Variants in ATG7 observed in about 807,000 individuals in gnomAD.
The protein encoded by ATG7 is autophagy related 7, also known as ubiquitin-like modifier-activating enzyme ATG7.
In ATG7, 70 loss-of-function variants were observed where a neutral mutation model predicts 82.4. The observed-to-expected ratio is 0.85, with a 90% CI of 0.70 to 1.04. The LOEUF (loss-of-function observed/expected upper bound fraction) is 1.04, where lower values mean the gene tolerates loss of function less well. Ranked by LOEUF, ATG7 falls within the 50% of genes least tolerant of loss-of-function variation. ATG7 has a pLI of 0.00. For synonymous variants in ATG7, 287 were observed against 313.0 expected (o/e 0.92, Z 0.88); for missense variants, 792 against 864.3 (o/e 0.92, Z 1.05).
intron 9 of ATG7, among the ~76,000 whole-genome samples, chr3:11,330,038 TG>T (rs1951425917): frequency 6.6e-6 from 1 of 152,204 alleles, no homozygotes; most frequent in Non-Finnish European, 1.5e-5. Flanking sequence ...AATTTGCATT[TG>T]TCTGATGTTT....
intron 14 of ATG7, chr3:11,348,344 G>C (rs1448641621): frequency 3.7e-6 from 1 of 272,954 alleles, no homozygotes; most frequent in Non-Finnish European, 7.0e-6. Flanking sequence ...TCTTAAAGAT[G>C]ATGTGTCCAG....
chr3:11,392,401 C>G (rs1012058114), intron 19 of ATG7, among the ~76,000 whole-genome samples: 2 of 151,590 alleles, frequency 1.3e-5, no homozygotes, highest in African/African-American at 4.9e-5. Context: ...TACAGATATT[C>G]TTTAAATGAC....
intron 20 of ATG7, among the ~76,000 whole-genome samples, chr3:11,490,346 A>C (rs2090213254): frequency 6.6e-6 from 1 of 151,954 alleles, no homozygotes; most frequent in African/African-American, 2.4e-5. Flanking sequence ...CCATGCTTTT[A>C]TTTTGAGCCT....
At chr3:11,573,253 A>AG in the ATG7 span, among the ~76,000 whole-genome samples, 1 of 4,406 alleles carries the variant, frequency 2.3e-4, no homozygotes, top group African/African-American at 1.1e-3. Context: ...TAGAGAAAGA[A>AG]AGAAAGAAAG....
intron 3 of ATG7, among the ~76,000 whole-genome samples, chr3:11,296,321 G>T (rs901673478): frequency 1.3e-5 from 2 of 151,988 alleles, no homozygotes; most frequent in Admixed American, 6.6e-5. Context: ...TTTCACTCAA[G>T]CTGCCATTCT....
In ATG7 at chr3:11,477,173, C is replaced by T. The variant is rs1026038473; in HGVS notation, c.2079+50247C>T. The T allele has an allele frequency of 9.8e-5, 127 of 1,289,458 alleles. No individual in the cohort carries two copies. The African/African-American group carries it at 1.8e-3, about 19-fold the overall frequency. 79.9% of individuals were successfully genotyped at this position (1,289,458 alleles called of 1,614,324 possible). ...TCGGCTCTGGATGAAGCAGGAGAGG[C>T]AGAACATAAACAAATGGACGGAAGA... On this transcript the variant is annotated intron_variant, in intron 20 of 20. Transcript: ENST00000693202.
rs1486565789 is a variant in ATG7, at chr3:11,554,884, C to T, written c.*41C>T. 1 of 1,605,186 alleles carries T rather than the reference C, an allele frequency of 6.2e-7. No individual in the cohort carries two copies. The highest frequency in any genetic ancestry group is 1.7e-5 in the Admixed American group (1 of 59,526). On this transcript the variant is annotated 3_prime_UTR_variant, in exon 21 of 21. Coordinates refer to ENST00000693202, the MANE Select transcript of ATG7 (RefSeq NM_001349232.2). ...GGGCTGACTTCTCCCCGGCCGCCTG[C>T]TGAGGAGCTCTCCATCGCCAGAGCA...
At chr3:11,567,040 C>A in the ATG7 span, among the ~76,000 whole-genome samples, 1 of 152,144 alleles carries the variant, frequency 6.6e-6, no homozygotes, top group Non-Finnish European at 1.5e-5. Flanking sequence ...GCGGCCCAGT[C>A]GGTGAGCTGC....
intron 19 of ATG7, among the ~76,000 whole-genome samples, chr3:11,405,353 A>G (rs568368622): frequency 7.2e-5 from 11 of 152,270 alleles, no homozygotes; most frequent in East Asian, 3.9e-4. Context: ...CAAGGCTACT[A>G]TGGAGCTTGA....
intron 20 of ATG7, among the ~76,000 whole-genome samples, chr3:11,483,087 A>T (rs959500016): frequency 6.6e-6 from 1 of 152,178 alleles, no homozygotes; most frequent in Non-Finnish European, 1.5e-5. Flanking sequence ...ATGCAAAATT[A>T]TCAGCTATTG....
At chr3:11,437,610 A>G (rs539170914) in intron 20 of ATG7, among the ~76,000 whole-genome samples, 7 of 152,178 alleles carry the variant, frequency 4.6e-5, no homozygotes, top group Non-Finnish European at 8.8e-5. Flanking sequence ...ATTCCCAAAT[A>G]TACCAGAAAG....
chr3:11,452,112 G>A (rs905011162), intron 20 of ATG7, among the ~76,000 whole-genome samples: 1 of 151,894 alleles, frequency 6.6e-6, no homozygotes, highest in African/African-American at 2.4e-5. Context: ...AGCCAGGTGT[G>A]GTGCCTCACA....
chr3:11,374,676 C>T (rs367836832), intron 18 of ATG7, among the ~76,000 whole-genome samples: 6 of 152,046 alleles, frequency 3.9e-5, no homozygotes, highest in East Asian at 1.9e-4. Flanking sequence ...GAGTCCGAGG[C>T]GGGCAGATCG....
intron 19 of ATG7, among the ~76,000 whole-genome samples, chr3:11,382,803 A>G (rs979679635): frequency 2.6e-5 from 4 of 152,240 alleles, no homozygotes; most frequent in African/African-American, 4.8e-5. Context: ...TTCTATTGAT[A>G]TAATTTTAAG....
intron 9 of ATG7, among the ~76,000 whole-genome samples, chr3:11,316,218 T>C (rs989171274): frequency 1.3e-5 from 2 of 152,114 alleles, no homozygotes; most frequent in African/African-American, 4.8e-5. Flanking sequence ...CCACATTTAG[T>C]GTATCATTCA....
chr3:11,409,712 G>A (rs2152912944), intron 19 of ATG7, among the ~76,000 whole-genome samples: 1 of 151,832 alleles, frequency 6.6e-6, no homozygotes, highest in East Asian at 1.9e-4. Flanking sequence ...TTTATATGTA[G>A]GTAGGTCTGT....
Position 11,278,925 on chromosome 3 carries a change from T to C in ATG7, c.-365-2069T>C, listed in dbSNP as rs550747185. ...TCCCTCAGAAGTGATGATTGAGCTG[T>C]GATTTGAAGTGAGCAAAGAAATTCA... On this transcript the variant is annotated intron_variant, in intron 1 of 20. Transcript: ENST00000693202. Among the ~76,000 whole-genome samples, 48 of 152,186 alleles carry C rather than the reference T, an allele frequency of 3.2e-4. 2 individuals are homozygous for C. The Middle Eastern group carries it at 0.021, about 65-fold the overall frequency.
chr3:11,477,326 C>T (rs1386675897), intron 20 of ATG7: 1 of 1,174,256 alleles, frequency 8.5e-7, no homozygotes, highest in Admixed American at 3.8e-5. Flanking sequence ...GCTACAAACT[C>T]CTGAATCGAT....
At chr3:11,561,783 C>T (rs1369112534), downstream of ATG7, among the ~76,000 whole-genome samples, 5 of 152,106 alleles carry the variant, frequency 3.3e-5, no homozygotes, top group South Asian at 2.1e-4. Context: ...CCCCTTCACC[C>T]GCTGTCCCAC....
Sources: gnomAD v4.1 joint callset for allele counts (sites outside exome capture counted in the v4.1 genomes callset) on GRCh38, gnomAD v4.1.1 for gene constraint, MANE v1.5 for transcripts, NCBI Gene and HGNC (gene_info 2026-07-23, HGNC 2026-07-21) for gene names.